THSD7A: variants seen among roughly 807,000 people sequenced by gnomAD.
THSD7A encodes the protein thrombospondin type 1 domain containing 7A, also known as thrombospondin type-1 domain-containing protein 7A.
THSD7A carries 96 observed loss-of-function variants against 231.3 expected under a neutral mutation model. The ratio of observed to expected loss-of-function variants is 0.41; its 90% CI spans 0.35 to 0.49. The LOEUF is 0.49. Among genes scored for constraint, THSD7A ranks in the 20% least tolerant of loss-of-function variants. THSD7A has a pLI of 0.05. For missense variants in THSD7A, 2,290 were observed against 2,070.2 expected (o/e 1.11, Z -2.06); for synonymous variants, 940 against 743.3 (o/e 1.26, Z -4.30).
chr7:11,662,539 G>A (rs547614482), intron 1 of THSD7A, among the ~76,000 whole-genome samples: 174 of 151,400 alleles, frequency 1.1e-3, no homozygotes, highest in African/African-American at 4.0e-3. Flanking sequence ...AGAACAACAT[G>A]ATTAACAAAA....
At chr7:11,631,747 C>T (rs1562783404) in intron 2 of THSD7A, among the ~76,000 whole-genome samples, 1 of 152,170 alleles carries the variant, frequency 6.6e-6, no homozygotes, top group Non-Finnish European at 1.5e-5. Context: ...CCTCTCTCTC[C>T]CCTGATTTCT....
In THSD7A at chr7:11,401,896, C is replaced by G. The variant is rs1783418698; in HGVS notation, c.4310G>C (p.Gly1437Ala). The change falls in exon 23 of 28, where the codon GGC becomes GCC. Residue 1437 changes from glycine to alanine, a missense_variant. Physicochemically the swap from Gly to Ala is moderately conservative, Grantham distance 60. Coordinates refer to ENST00000423059, the MANE Select transcript of THSD7A (RefSeq NM_015204.3). Reference sequence around the variant, plus strand: ...GGATCTGACCTGTATTCCACCAAAGCCTAGATCCTCACCATTCACACAGGT... The same window carrying G: ...GGATCTGACCTGTATTCCACCAAAGGCTAGATCCTCACCATTCACACAGGT... ...QLTCVNGEDL[G>A]FGGIQVRSRP... 6.2e-7 allele frequency: 1 copy of G among 1,613,872 alleles called. No homozygotes were observed. Among genetic ancestry groups the G allele is most frequent in the South Asian group, 1.1e-5 (1 of 91,074 alleles).
At chr7:11,695,924 G>A (rs943999963) in intron 1 of THSD7A, among the ~76,000 whole-genome samples, 3 of 151,554 alleles carry the variant, frequency 2.0e-5, no homozygotes, top group African/African-American at 7.3e-5. Context: ...GAGATAGGAG[G>A]CTATTGCAGT....
intron 5 of THSD7A, among the ~76,000 whole-genome samples, chr7:11,542,562 G>A (rs1789197794): frequency 6.6e-6 from 1 of 152,128 alleles, no homozygotes. Context: ...TTATCTGATT[G>A]ACTGCTTAGA....
At chr7:11,536,051 TTC>T (rs1235450922) in intron 6 of THSD7A, among the ~76,000 whole-genome samples, 1 of 152,214 alleles carries the variant, frequency 6.6e-6, no homozygotes, top group Non-Finnish European at 1.5e-5. Context: ...TGAAAAGATA[TTC>T]TAACATTTTC....
At chr7:11,765,711 G>A (rs949594419) in intron 1 of THSD7A, among the ~76,000 whole-genome samples, 1 of 152,052 alleles carries the variant, frequency 6.6e-6, no homozygotes, top group African/African-American at 2.4e-5. Context: ...GTTCCCTTGA[G>A]TAGTTTCATG....
chr7:11,771,591 A>G (rs1783230633), intron 1 of THSD7A, among the ~76,000 whole-genome samples: 1 of 151,990 alleles, frequency 6.6e-6, no homozygotes, highest in Non-Finnish European at 1.5e-5. Flanking sequence ...ATATATACAT[A>G]CCAGGTTTTT....
At chr7:11,790,249 C>T (rs995072668) in intron 1 of THSD7A, among the ~76,000 whole-genome samples, 1 of 151,768 alleles carries the variant, frequency 6.6e-6, no homozygotes, top group Non-Finnish European at 1.5e-5. Flanking sequence ...CTACATTTCT[C>T]TACCAATAAG....
At chr7:11,572,399 G>T (rs1396006566) in intron 4 of THSD7A, among the ~76,000 whole-genome samples, 2 of 152,132 alleles carry the variant, frequency 1.3e-5, no homozygotes, top group East Asian at 1.9e-4. Flanking sequence ...TTATTGCAGA[G>T]TTTGTACATT....
intron 1 of THSD7A, among the ~76,000 whole-genome samples, chr7:11,773,022 A>G (rs1464254615): frequency 2.0e-5 from 3 of 152,306 alleles, no homozygotes; most frequent in African/African-American, 7.2e-5. Flanking sequence ...AGAAATCAAC[A>G]ATAATATTAA....
At chr7:11,555,809 T>A (rs1421683397) in intron 4 of THSD7A, among the ~76,000 whole-genome samples, 1 of 151,838 alleles carries the variant, frequency 6.6e-6, no homozygotes, top group Non-Finnish European at 1.5e-5. Flanking sequence ...GACTCTTTTG[T>A]CATTATATAA....
Position 11,370,517 on chromosome 7 carries a change from A to G in THSD7A, c.*5277T>C, listed in dbSNP as rs1294154590. 1.3e-5 allele frequency: 2 copies of G among 152,334 alleles called. No individual in the cohort carries two copies. Among genetic ancestry groups the G allele is most frequent in the East Asian group, 3.9e-4 (2 of 5,190 alleles). 9.4% of individuals were successfully genotyped at this position (152,334 alleles called of 1,614,324 possible). A position where few individuals can be genotyped will look rare whatever the true frequency, so the allele number is the denominator to read the frequency against. ...AACCCATATGAAAATGTAAAAAAGC[A>G]TATTACATCTTCACATGCCATCTGT... is the stretch of plus-strand genomic sequence containing the variant. On this transcript the variant is annotated 3_prime_UTR_variant, in exon 28 of 28. Transcript: ENST00000423059.
At chr7:11,395,393 G>T (rs1239869460) in intron 23 of THSD7A, among the ~76,000 whole-genome samples, 4 of 152,062 alleles carry the variant, frequency 2.6e-5, no homozygotes, top group Non-Finnish European at 4.4e-5. Context: ...ACACCCCATT[G>T]TCAATATTAG....
intron 1 of THSD7A, among the ~76,000 whole-genome samples, chr7:11,714,868 C>G (rs1781083326): frequency 6.6e-6 from 1 of 151,262 alleles, no homozygotes; most frequent in Non-Finnish European, 1.5e-5. Context: ...ATAGATTGTT[C>G]AGTGTGGCCA....
chr7:11,830,373 G>T (rs1400354966), intron 1 of THSD7A, among the ~76,000 whole-genome samples: 2 of 152,164 alleles, frequency 1.3e-5, no homozygotes, highest in African/African-American at 4.8e-5. Context: ...CCATTTAATG[G>T]TAAATTATAA....
chr7:11,439,628 T>C (rs1047985488), intron 13 of THSD7A, among the ~76,000 whole-genome samples: 4 of 152,028 alleles, frequency 2.6e-5, no homozygotes, highest in Admixed American at 6.6e-5. Flanking sequence ...CACAAAGTTT[T>C]AGCGGTCTAG....
chr7:11,396,499 T>A (rs139097258), intron 23 of THSD7A, among the ~76,000 whole-genome samples: 3,919 of 152,258 alleles, frequency 0.026, 83 homozygotes, highest in Non-Finnish European at 0.04. Flanking sequence ...GAGCATACTA[T>A]AAACACCTCT....
Position 11,372,846 on chromosome 7 carries a change from T to C in THSD7A, c.*2948A>G, listed in dbSNP as rs1473492189. The C allele has an allele frequency of 2.0e-5, 3 of 152,072 alleles. No homozygotes were observed. The highest frequency in any genetic ancestry group is 2.4e-5 in the African/African-American group (1 of 41,442). The allele number at this position is 152,072 out of a possible 1,614,324, so 9.4% of individuals were successfully genotyped here. A position where few individuals can be genotyped will look rare whatever the true frequency, so the allele number is the denominator to read the frequency against. On this transcript the variant is annotated 3_prime_UTR_variant, in exon 28 of 28. Coordinates refer to ENST00000423059, the MANE Select transcript of THSD7A (RefSeq NM_015204.3). Reference sequence around the variant, plus strand: ...AAATATTTAACTCATTATTGTCTCATGTCAGAAACAAAAATAAGGCCATTT... The same window carrying C: ...AAATATTTAACTCATTATTGTCTCACGTCAGAAACAAAAATAAGGCCATTT...
intron 4 of THSD7A, among the ~76,000 whole-genome samples, chr7:11,558,135 G>T (rs962008468): frequency 6.6e-6 from 1 of 152,022 alleles, no homozygotes; most frequent in African/African-American, 2.4e-5. Context: ...AGATGTGGGA[G>T]GCAAAAAGAA....
Sources: gnomAD v4.1 joint callset for allele counts (sites outside exome capture counted in the v4.1 genomes callset) on GRCh38, gnomAD v4.1.1 for gene constraint, MANE v1.5 for transcripts, NCBI Gene and HGNC (gene_info 2026-07-23, HGNC 2026-07-21) for gene names.